The following LRRC24 variants were observed in gnomAD, a reference collection of about 807,000 sequenced individuals.
The protein encoded by LRRC24 is leucine rich repeat containing 24.
LRRC24 carries 19 observed loss-of-function variants against 15.3 expected under a neutral mutation model. That is an observed-to-expected ratio of 1.25 (90% CI 0.87 to 1.83). LRRC24 has a LOEUF of 1.83. Among genes scored for constraint, LRRC24 ranks in the 40% most tolerant of loss-of-function variants. The probability of loss-of-function intolerance (pLI) is 0.00; values close to 1 mark genes in which losing one functional copy is unlikely to be tolerated. For synonymous variants in LRRC24, 469 were observed against 359.6 expected, an observed-to-expected ratio of 1.30 and a Z score of -3.44; for missense variants, 914 against 723.9, an observed-to-expected ratio of 1.26 and a Z score of -3.01.
chr8:144,523,188 G>T lies in LRRC24; in HGVS notation c.829C>A (p.Leu277Met), dbSNP rs755773541. The stretch of plus-strand genomic sequence containing the variant: ...CCGGAGGCTTGGCAGGCAACCCGCA[G>T]GTCCTCACCCAGGTTGGCTGTGAGC... Reference protein sequence around the residue: ...LELTANLGEDLRVACQASGYP... With the variant: ...LELTANLGEDMRVACQASGYP... Residue 277 changes from leucine (L) to methionine (M), a missense_variant, in exon 5 of 5, where the codon CTG (leucine) becomes ATG (methionine). Physicochemically the swap from Leu to Met is conservative, Grantham distance 15 (BLOSUM62 2). Transcript: ENST00000529415. 3 of 1,609,988 alleles carry T rather than the reference G, an allele frequency of 1.9e-6. No homozygotes were observed. The Admixed American group carries it at 5.0e-5, about 27-fold the overall frequency.
chr8:144,525,368 A>T (rs767288662), intron 1 of LRRC24, among the ~76,000 whole-genome samples: 7 of 151,800 alleles, frequency 4.6e-5, no homozygotes, highest in Non-Finnish European at 1.0e-4. Context: ...CCCCGACTCT[A>T]CCCCCAGGCA....
Position 144,524,166 on chromosome 8 carries a change from G to A in LRRC24, c.551C>T (p.Thr184Ile). Residue 184 changes from threonine (T) to isoleucine (I), a missense_variant, in exon 4 of 5, where the codon ACC (threonine) becomes ATC (isoleucine). Thr to Ile is a moderately conservative substitution (Grantham distance 89, BLOSUM62 -1). Transcript: ENST00000529415. ...GGGCTGCAGGGCCTCTCGGCTGATGGTGCCCAGCTGGTTCCTGCTGAGGTC... is the reference window on the plus strand; with the variant it reads ...GGGCTGCAGGGCCTCTCGGCTGATGATGCCCAGCTGGTTCCTGCTGAGGTC... The part of the protein sequence containing the change: ...LLDLSRNQLG[T>I]ISREALQPLA... The A allele has an allele frequency of 6.2e-7, 1 of 1,610,676 alleles. No homozygotes were observed. The highest frequency in any genetic ancestry group is 8.5e-7 in the Non-Finnish European group (1 of 1,178,390).
At position 144,524,901 on chromosome 8, in the gene LRRC24, G is replaced by A; in HGVS notation, c.74C>T (p.Ala25Val). Residue 25 changes from alanine (A) to valine (V), a missense_variant, in exon 2 of 5, where the codon GCA (alanine) becomes GTA (valine). Transcript: ENST00000529415. Reference sequence around the variant, plus strand: ...CGTGGCGCTGTAGCAGCGGCAGGCTGCTGGGCAGCCGGCGGCGCGGAGCGG... The same window carrying A: ...CGTGGCGCTGTAGCAGCGGCAGGCTACTGGGCAGCCGGCGGCGCGGAGCGG... ...LLPLRAAGCP[A>V]ACRCYSATVE... The A allele has an allele frequency of 2.6e-6, 4 of 1,515,256 alleles. No individual in the cohort carries two copies. Among genetic ancestry groups the A allele is most frequent in the Non-Finnish European group, 3.5e-6 (4 of 1,133,426 alleles). The allele number at this position is 1,515,256 out of a possible 1,614,324, so 93.9% of individuals were successfully genotyped here.
Position 144,522,515 on chromosome 8 carries a change from A to AGTCCCG in LRRC24, c.1496_1501dup (p.Pro499_Gly500dup), listed in dbSNP as rs1554908767. The AGTCCCG allele has an allele frequency of 1.0e-5, 15 of 1,500,042 alleles. No individual in the cohort carries two copies. The highest frequency in any genetic ancestry group is 3.8e-5 in the South Asian group (3 of 78,612). 92.9% of individuals were successfully genotyped at this position (1,500,042 alleles called of 1,614,324 possible). ...GTAGGCGACCGGCGGGGGCACGCGGAGTCCCGGCCCCGCCCCCTGTTCCGG... is the reference window on the plus strand; with the variant it reads ...GTAGGCGACCGGCGGGGGCACGCGGAGTCCCGGTCCCGGCCCCGCCCCCTGTTCCGG... On this transcript the variant is annotated inframe_insertion, in exon 5 of 5. Coordinates refer to ENST00000529415, the MANE Select transcript of LRRC24 (RefSeq NM_001024678.4).
In LRRC24 at chr8:144,524,240, C is replaced by T; in HGVS notation, c.477G>A (p.Glu159=). 1 of 1,612,606 alleles carries T rather than the reference C, an allele frequency of 6.2e-7. No individual in the cohort carries two copies. Among genetic ancestry groups the T allele is most frequent in the South Asian group, 1.1e-5 (1 of 91,084 alleles). ...QELHLQENSI[E]LLEDQALAGL... ...CCGCTAGAGCCTGGTCCTCCAGCAG[C>T]TCAATGCTGTTTTCTTGCAGGTGAA... is the stretch of plus-strand genomic sequence containing the variant. The change falls in exon 4 of 5, where the codon GAG becomes GAA. Residue 159 remains glutamate (E), a synonymous_variant. Transcript: ENST00000529415.
chr8:144,525,186 T>C (rs1283215394), intron 1 of LRRC24, 153 bp from the exon 2 acceptor site: 2 of 475,186 alleles, frequency 4.2e-6, no homozygotes, highest in Non-Finnish European at 6.9e-6. Context: ...AAACATTTTC[T>C]TAAAGCTCTG....
At position 144,522,920 on chromosome 8, in the gene LRRC24, C is replaced by T. The variant is rs1336542595; in HGVS notation, c.1097G>A (p.Arg366Gln). ...VPFRLLVNAS[R>Q]QQPQQPAQPP... ...TTGCGCGGGCTGCTGCGGCTGCTGC[C>T]GGGACGCGTTGACCAGGAGCCGGAA... The change falls in exon 5 of 5, where the codon CGG becomes CAG. Residue 366 changes from arginine to glutamine, a missense_variant. Coordinates refer to ENST00000529415, the MANE Select transcript of LRRC24 (RefSeq NM_001024678.4). 1.0e-5 allele frequency: 15 copies of T among 1,457,970 alleles called. No individual in the cohort carries two copies. The highest frequency in any genetic ancestry group is 1.3e-5 in the Non-Finnish European group (15 of 1,112,862). The allele number at this position is 1,457,970 out of a possible 1,614,324, so 90.3% of individuals were successfully genotyped here.
chr8:144,525,764 C>T (rs879038398), intron 1 of LRRC24: 1 of 152,114 alleles, frequency 6.6e-6, no homozygotes, highest in South Asian at 2.1e-4. Flanking sequence ...GAAAGGTGTC[C>T]TGTCTTTGGG....
chr8:144,526,665 G>A (rs1816372541), intron 1 of LRRC24: 1 of 152,270 alleles, frequency 6.6e-6, no homozygotes, highest in African/African-American at 2.4e-5. Context: ...GAGGGAAGAG[G>A]ATGGAACGCC....
intron 1 of LRRC24, chr8:144,526,725 CCCTTGCGCA>C (rs1586858900): frequency 1.3e-5 from 2 of 152,290 alleles, no homozygotes; most frequent in African/African-American, 4.8e-5. Context: ...CTTTGGGCGG[CCCTTGCGCA>C]CCTCTGCAGC....
intron 3 of LRRC24, 74 bp downstream of exon 3, chr8:144,524,367 T>C (rs998298168): frequency 5.0e-6 from 8 of 1,594,268 alleles, no homozygotes; most frequent in Non-Finnish European, 6.8e-6. Context: ...GGGTTGCCTT[T>C]TCTAACTATT....
Position 144,524,538 on chromosome 8 carries a change from C to A in LRRC24, c.341G>T (p.Arg114Leu). 1 of 1,582,178 alleles carries A rather than the reference C, an allele frequency of 6.3e-7. No homozygotes were observed. Among genetic ancestry groups the A allele is most frequent in the Non-Finnish European group, 8.5e-7 (1 of 1,173,092 alleles). Residue 114 changes from arginine (R) to leucine (L), a missense_variant, in exon 3 of 5, where the codon CGC (arginine) becomes CTC (leucine). Transcript: ENST00000529415. The part of the protein sequence containing the change: ...ALTSNRLRGL[R>L]SGAFVGLAQL... ...GGCCAGGCCTACGAAGGCGCCGCTG[C>A]GCAAGCCGCGCAGCCGGTTGCTAGT... is the stretch of plus-strand genomic sequence containing the variant.
rs1185809227 is a variant in LRRC24 at position 144,522,430 on chromosome 8, C to G, written c.*45G>C. On this transcript the variant is annotated 3_prime_UTR_variant, in exon 5 of 5. Transcript: ENST00000529415. The stretch of plus-strand genomic sequence containing the variant: ...TACTGACGGAGCATGCGCGAGGCCG[C>G]ACCGGCCAATCTCCGGCGCCCACGT... 2.9e-6 allele frequency: 4 copies of G among 1,384,190 alleles called. No homozygotes were observed. The African/African-American group carries it at 6.1e-5, about 21-fold the overall frequency. 85.7% of individuals were successfully genotyped at this position (1,384,190 alleles called of 1,614,324 possible).
chr8:144,522,947 G>C lies in LRRC24; in HGVS notation c.1070C>G (p.Pro357Arg). The change falls in exon 5 of 5, where the codon CCC becomes CGC. Residue 357 changes from proline (P) to arginine (R), a missense_variant. Physicochemically the swap from Pro to Arg is moderately radical, Grantham distance 103 (BLOSUM62 -2). Transcript: ENST00000529415. Reference sequence around the variant, plus strand: ...GGACGCGTTGACCAGGAGCCGGAAGGGCACGCGGGCAGCGCCGCCGGCGTT... The same window carrying C: ...GGACGCGTTGACCAGGAGCCGGAAGCGCACGCGGGCAGCGCCGCCGGCGTT... Reference protein sequence around the residue: ...ASNAGGAARVPFRLLVNASRQ... With the variant: ...ASNAGGAARVRFRLLVNASRQ... The C allele has an allele frequency of 6.4e-7, 1 of 1,569,246 alleles. No homozygotes were observed. Among genetic ancestry groups the C allele is most frequent in the East Asian group, 2.4e-5 (1 of 41,932 alleles).
rs760256754 is a variant in LRRC24, at chr8:144,522,849, C to T, written c.1168G>A (p.Glu390Lys). ...GCGCGGAAGGCCATGCTGCCCGCCT[C>T]GGGCCGGGGCTCGCTGCCGGCGGGG... ...ARPAGSEPRP[E>K]AGSMAFRALG... Residue 390 changes from glutamate to lysine, a missense_variant, in exon 5 of 5, where the codon GAG (glutamate) becomes AAG (lysine). Glu to Lys is a moderately conservative substitution (Grantham distance 56). Coordinates refer to ENST00000529415, the MANE Select transcript of LRRC24 (RefSeq NM_001024678.4). 3.9e-6 allele frequency: 5 copies of T among 1,284,064 alleles called. No homozygotes were observed. Among genetic ancestry groups the T allele is most frequent in the East Asian group, 3.1e-5 (1 of 31,994 alleles). 79.5% of individuals were successfully genotyped at this position (1,284,064 alleles called of 1,614,324 possible). A position where few individuals can be genotyped will look rare whatever the true frequency, so the allele number is the denominator to read the frequency against.
At position 144,524,940 on chromosome 8, in the gene LRRC24, A is replaced by G. The variant is rs1564825882; in HGVS notation, c.35T>C (p.Leu12Pro). Residue 12 changes from leucine (L) to proline (P), a missense_variant, in exon 2 of 5, where the codon CTG becomes CCG. Transcript: ENST00000529415. ...ALRAPALLPL[L>P]LLLLPLRAAG... The stretch of plus-strand genomic sequence containing the variant: ...GGCGCGGAGCGGCAGTAGTAGCAGC[A>G]GCAGCGGCAGCAGTGCGGGGGCCCT... 2.0e-6 allele frequency: 3 copies of G among 1,506,406 alleles called. No homozygotes were observed. Among genetic ancestry groups the G allele is most frequent in the South Asian group, 2.4e-5 (2 of 81,874 alleles). 93.3% of individuals were successfully genotyped at this position (1,506,406 alleles called of 1,614,324 possible).
At chr8:144,523,442 A>C (rs1442879575) in intron 4 of LRRC24, 33 bp from the exon 5 acceptor site, 1 of 1,506,244 alleles carries the variant, frequency 6.6e-7, no homozygotes, top group African/African-American at 1.4e-5. Flanking sequence ...AGGTGGCTTG[A>C]GGGTGCTGCT....
At chr8:144,526,469 C>T (rs567480763) in intron 1 of LRRC24, 1 of 152,290 alleles carries the variant, frequency 6.6e-6, no homozygotes, top group African/African-American at 2.4e-5. Context: ...GCTGACCCCC[C>T]ACTAGATGCA....
In LRRC24 at chr8:144,525,049, G is replaced by A. The variant is rs994334859; in HGVS notation, c.-59-16C>T. 14 of 1,360,284 alleles carry A rather than the reference G, an allele frequency of 1.0e-5. No individual in the cohort carries two copies. Among genetic ancestry groups the A allele is most frequent in the Non-Finnish European group, 1.2e-5 (13 of 1,060,280 alleles). 84.3% of individuals were successfully genotyped at this position (1,360,284 alleles called of 1,614,324 possible). A position where few individuals can be genotyped will look rare whatever the true frequency, so the allele number is the denominator to read the frequency against. On this transcript the variant is annotated splice_polypyrimidine_tract_variant and intron_variant, in intron 1 of 4. Transcript: ENST00000529415. Reference sequence around the variant, plus strand: ...GCGTGCCCTCCTGAAACACAGGTTGGCAGGCCAGTCTCGGCAGTCGAGAGC... The same window carrying A: ...GCGTGCCCTCCTGAAACACAGGTTGACAGGCCAGTCTCGGCAGTCGAGAGC...
Sources: allele counts gnomAD v4.1 joint callset (sites outside exome capture counted in the v4.1 genomes callset), GRCh38; gene constraint gnomAD v4.1.1; transcripts MANE v1.5; gene names NCBI Gene and HGNC (gene_info 2026-07-23, HGNC 2026-07-21).